WDR41: variants seen among roughly 807,000 people sequenced by gnomAD.
WDR41 encodes the protein WD repeat-containing protein 41.
WDR41 carries 63 observed loss-of-function variants against 69.3 expected under a neutral mutation model. The observed-to-expected ratio is 0.91, with a 90% CI of 0.74 to 1.12. The LOEUF is 1.12. WDR41 is among the 50% of genes most tolerant of loss of function. The pLI is 0.00. For missense variants in WDR41, 543 were observed against 534.5 expected, an observed-to-expected ratio of 1.02 and a Z score of -0.16; for synonymous variants, 185 against 192.1, an observed-to-expected ratio of 0.96 and a Z score of 0.31.
intron 1 of WDR41, among the ~76,000 whole-genome samples, chr5:77,579,407 A>G (rs1743893848): frequency 6.6e-6 from 1 of 152,186 alleles, no homozygotes; most frequent in South Asian, 2.1e-4. Context: ...TAGAAAAAGA[A>G]AAATGACTCA....
At chr5:77,581,579 C>T (rs1246107139) in intron 1 of WDR41, among the ~76,000 whole-genome samples, 7 of 152,156 alleles carry the variant, frequency 4.6e-5, no homozygotes, top group Non-Finnish European at 7.3e-5. Flanking sequence ...GTGGAGGATT[C>T]TTCAGTAGAC....
At chr5:77,585,455 C>T (rs891897974) in intron 1 of WDR41, among the ~76,000 whole-genome samples, 2 of 152,258 alleles carry the variant, frequency 1.3e-5, no homozygotes, top group African/African-American at 2.4e-5. Context: ...CCATTTGATG[C>T]AGCAATCCCA....
chr5:77,504,428 T>C (rs1291681537), intron 1 of WDR41, among the ~76,000 whole-genome samples: 1 of 152,100 alleles, frequency 6.6e-6, no homozygotes, highest in Non-Finnish European at 1.5e-5. Flanking sequence ...GATTCACAGC[T>C]GAATTCTACC....
chr5:77,594,168 A>G (rs1399006568), intron 1 of WDR41, among the ~76,000 whole-genome samples: 3 of 151,292 alleles, frequency 2.0e-5, no homozygotes, highest in Non-Finnish European at 4.4e-5. Flanking sequence ...CGCAAGGACA[A>G]AAAACCAAAC....
chr5:77,473,643 C>A (rs914549202), intron 2 of WDR41, among the ~76,000 whole-genome samples: 1 of 152,142 alleles, frequency 6.6e-6, no homozygotes, highest in Admixed American at 6.5e-5. Context: ...AGGATATGAA[C>A]AGACACTTCT....
At chr5:77,498,117 T>G (rs76715538) in intron 1 of WDR41, among the ~76,000 whole-genome samples, 2,123 of 152,276 alleles carry the variant, frequency 0.014, 21 homozygotes, top group Non-Finnish European at 0.02. Flanking sequence ...TATTATTGAA[T>G]GAGTACAGAG....
intron 1 of WDR41, among the ~76,000 whole-genome samples, chr5:77,539,977 G>A (rs75975131): frequency 0.011 from 1,608 of 152,256 alleles, 32 homozygotes; most frequent in African/African-American, 0.036. Flanking sequence ...GTTCTGTATA[G>A]CTGGGCCTTT....
rs114754681 is a variant in WDR41 at position 77,617,293 on chromosome 5, A to T, written c.42+3186T>A. On this transcript the variant is annotated intron_variant, in intron 1 of 5. Coordinates refer to the WDR41 transcript ENST00000509971. ...TGGCTACCATATTGGACAATGTTGC[A>T]GTAAGTGAAAGACTTCCATTTGTTG... 9.4e-3 allele frequency among the ~76,000 whole-genome samples: 1,436 copies of T among 152,334 alleles called. 7 individuals are homozygous for T. Among genetic ancestry groups the T allele is most frequent in the Non-Finnish European group, 0.015 (1,017 of 68,022 alleles).
At chr5:77,584,575 T>C (rs191275285) in intron 1 of WDR41, among the ~76,000 whole-genome samples, 2 of 152,176 alleles carry the variant, frequency 1.3e-5, no homozygotes, top group Admixed American at 1.3e-4. Flanking sequence ...AAAATACAAA[T>C]ACAGCCAACT....
intron 1 of WDR41, among the ~76,000 whole-genome samples, chr5:77,506,748 G>A (rs866271319): frequency 6.6e-6 from 1 of 152,128 alleles, no homozygotes; most frequent in South Asian, 2.1e-4. Context: ...GGACATGGAC[G>A]AAGCTGGAAA....
At chr5:77,532,162 T>A (rs1018472431) in intron 1 of WDR41, among the ~76,000 whole-genome samples, 2 of 152,050 alleles carry the variant, frequency 1.3e-5, no homozygotes, top group African/African-American at 4.8e-5. Flanking sequence ...GGGAGAGGAT[T>A]TAGAAGGTTC....
intron 1 of WDR41, among the ~76,000 whole-genome samples, chr5:77,587,002 G>A (rs1172778796): frequency 6.6e-6 from 1 of 151,160 alleles, no homozygotes; most frequent in Non-Finnish European, 1.5e-5. Flanking sequence ...ACAGGCGTGA[G>A]CCACCATGCC....
In WDR41 at chr5:77,464,746, A is replaced by G. The variant is rs1800227582; in HGVS notation, c.216+15T>C. The G allele has an allele frequency of 6.2e-7, 1 of 1,613,258 alleles. No homozygotes were observed. Among genetic ancestry groups the G allele is most frequent in the Middle Eastern group, 1.7e-4 (1 of 6,058 alleles). ...CATATCTTTATCACACAATCCACAC[A>G]TAATCAATACACACCTGGGCATTCC... On this transcript the variant is annotated intron_variant, in intron 3 of 12. Coordinates refer to ENST00000296679, the MANE Select transcript of WDR41 (RefSeq NM_018268.4).
rs1435058223 is a variant in WDR41 at position 77,432,364 on chromosome 5, T to A, written c.*771A>T. On this transcript the variant is annotated 3_prime_UTR_variant, in exon 13 of 13. Transcript: ENST00000296679. ...ATAAAAGAAGTCTGTCTCAAGCAGT[T>A]CGTATTTGAGTCAGTGGTCAGATGG... The A allele has an allele frequency of 6.6e-6, 1 of 152,506 alleles. No homozygotes were observed. Among genetic ancestry groups the A allele is most frequent in the Non-Finnish European group, 1.5e-5 (1 of 68,050 alleles). The allele number at this position is 152,506 out of a possible 1,614,324, so 9.4% of individuals were successfully genotyped here.
At chr5:77,514,111 T>C (rs941752497) in intron 1 of WDR41, among the ~76,000 whole-genome samples, 2 of 152,206 alleles carry the variant, frequency 1.3e-5, no homozygotes, top group Admixed American at 1.3e-4. Context: ...TAGTACATTA[T>C]ACAGAATTAG....
rs1398115829 is a variant in WDR41, at chr5:77,432,095, A to G, written c.*1040T>C. On this transcript the variant is annotated 3_prime_UTR_variant, in exon 13 of 13. Coordinates refer to ENST00000296679, the MANE Select transcript of WDR41 (RefSeq NM_018268.4). ...CTAAAACTAGTAAAAGAACTTATGG[A>G]GATTCCCTTTAGGGTATATTTGTAG... 1 of 152,204 alleles carries G rather than the reference A, an allele frequency of 6.6e-6. No homozygotes were observed. Among genetic ancestry groups the G allele is most frequent in the Non-Finnish European group, 1.5e-5 (1 of 68,040 alleles). 9.4% of individuals were successfully genotyped at this position (152,204 alleles called of 1,614,324 possible).
In WDR41 at chr5:77,467,172, A is replaced by C. The variant is rs1304984345; in HGVS notation, c.168-2363T>G. Among the ~76,000 whole-genome samples the C allele has an allele frequency of 3.9e-5, 6 of 151,960 alleles. No homozygotes were observed. The East Asian group carries it at 1.2e-3, about 29-fold the overall frequency. On this transcript the variant is annotated intron_variant, in intron 2 of 12. Transcript: ENST00000296679. Reference sequence around the variant, plus strand: ...AAAAAAAGGATTAAAATGTCAATAAAGTTTAAGCTATTCTATCCAATGGAA... The same window carrying C: ...AAAAAAAGGATTAAAATGTCAATAACGTTTAAGCTATTCTATCCAATGGAA...
In WDR41 at chr5:77,476,085, A is replaced by T. The variant is rs1367789090; in HGVS notation, c.168-11276T>A. Among the ~76,000 whole-genome samples, 3 of 151,266 alleles carry T rather than the reference A, an allele frequency of 2.0e-5. No homozygotes were observed. In the East Asian group the frequency reaches 5.8e-4, roughly 29 times the overall value. ...GAAAGGGTATCAGCGATGGAAGATG[A>T]AATGAATGAAATGAAGCGAGAAGGG... On this transcript the variant is annotated intron_variant, in intron 2 of 12. Coordinates refer to ENST00000296679, the MANE Select transcript of WDR41 (RefSeq NM_018268.4).
intron 2 of WDR41, among the ~76,000 whole-genome samples, chr5:77,481,082 C>A (rs947278779): frequency 6.6e-6 from 1 of 151,518 alleles, no homozygotes; most frequent in Non-Finnish European, 1.5e-5. Context: ...AGTGCAATGG[C>A]GTGATCTCAG....
Sources: allele counts gnomAD v4.1 joint callset (sites outside exome capture counted in the v4.1 genomes callset), GRCh38; gene constraint gnomAD v4.1.1; transcripts MANE v1.5; gene names NCBI Gene and HGNC (gene_info 2026-07-23, HGNC 2026-07-21).